The following PIAS4 variants were observed in gnomAD, a reference collection of about 807,000 sequenced individuals.
PIAS4 encodes the protein protein inhibitor of activated STAT 4.
In PIAS4, 7 loss-of-function variants were observed where a neutral mutation model predicts 58.0. That is an observed-to-expected ratio of 0.12 (90% confidence interval 0.07 to 0.23). The LOEUF (loss-of-function observed/expected upper bound fraction) is 0.23. Ranked by LOEUF, PIAS4 falls within the 10% of genes least tolerant of loss-of-function variation. PIAS4 has a pLI of 1.00. For synonymous variants in PIAS4, 364 were observed against 312.4 expected (o/e 1.17, Z -1.74); for missense variants, 550 against 709.5 (o/e 0.78, Z 2.55).
chr19:4,030,309 C>T (rs1009500494), intron 7 of PIAS4, among the ~76,000 whole-genome samples: 13 of 144,098 alleles, frequency 9.0e-5, no homozygotes, highest in Admixed American at 4.1e-4. Context: ...TTAAGTGACA[C>T]GCAGAGCAAT....
intron 7 of PIAS4, among the ~76,000 whole-genome samples, chr19:4,030,918 T>G (rs945657473): frequency 7.3e-5 from 11 of 151,542 alleles, no homozygotes; most frequent in Non-Finnish European, 2.9e-5. Context: ...GGAGTGGGAG[T>G]CAGGCAGGTG....
At chr19:4,023,812 G>A (rs1402360750) in intron 2 of PIAS4, among the ~76,000 whole-genome samples, 1 of 152,220 alleles carries the variant, frequency 6.6e-6, no homozygotes, top group African/African-American at 2.4e-5. Flanking sequence ...CTGAGTGGCC[G>A]TCAACAGGAC....
chr19:4,032,804 C>A (rs1054597675), intron 7 of PIAS4, among the ~76,000 whole-genome samples: 1 of 152,192 alleles, frequency 6.6e-6, no homozygotes, highest in Non-Finnish European at 1.5e-5. Context: ...ATGAAACTTG[C>A]CAGAAAAGTC....
chr19:4,033,411 C>T lies in PIAS4; in HGVS notation c.982-9C>T. ...GGGGTGCCCTGCTCACGCAGCCCCT[C>T]CCCCACAGCTGGTGAAGATGCGGCT... On this transcript the variant is annotated splice_polypyrimidine_tract_variant and intron_variant, in intron 8 of 10. Transcript: ENST00000262971. 5 of 1,548,258 alleles carry T rather than the reference C, an allele frequency of 3.2e-6. No homozygotes were observed. The highest frequency in any genetic ancestry group is 4.4e-6 in the Non-Finnish European group (5 of 1,147,088).
In PIAS4 at chr19:4,013,962, C is replaced by G. The variant is rs1222485609; in HGVS notation, c.454+613C>G. ...CTCTGTGGCGCATGCAGGGACCACA[C>G]CAGGCTGTGACTGCCAGGGCCAGGG... On this transcript the variant is annotated intron_variant, in intron 2 of 10. Transcript: ENST00000262971. This position sits in a 1 kb window ranked among gnomAD's most constrained non-coding sequence, Gnocchi z 5.1. 3.3e-5 allele frequency among the ~76,000 whole-genome samples: 5 copies of G among 152,088 alleles called. No homozygotes were observed. The South Asian group carries it at 1.0e-3, about 32-fold the overall frequency.
At chr19:4,019,117 A>G (rs1210236661) in intron 2 of PIAS4, among the ~76,000 whole-genome samples, 2 of 152,102 alleles carry the variant, frequency 1.3e-5, no homozygotes, top group African/African-American at 2.4e-5. Flanking sequence ...GAGGGAGTGG[A>G]TGTTTGCAGG....
rs1288998652 is a variant in PIAS4, at chr19:4,038,135, C to A, written c.*260C>A. ...AAACTCTTAAAAACAAGGCCGGCCA[C>A]CCACACAGCCGCCTCCCCGGCTGGA... On this transcript the variant is annotated 3_prime_UTR_variant, in exon 11 of 11. Transcript: ENST00000262971. The surrounding 1 kb of genome is among the most constrained non-coding windows in gnomAD (Gnocchi z 4.1). The A allele has an allele frequency of 2.2e-6, 1 of 446,204 alleles. No homozygotes were observed. Among genetic ancestry groups the A allele is most frequent in the African/African-American group, 2.1e-5 (1 of 47,692 alleles). The allele number at this position is 446,204 out of a possible 1,614,324, so 27.6% of individuals were successfully genotyped here.
At chr19:4,018,880 C>T (rs73532334) in intron 2 of PIAS4, 3,154 of 152,612 alleles carry the variant, frequency 0.021, 125 homozygotes, top group African/African-American at 0.073. Flanking sequence ...GAGGGAATGG[C>T]AGGTGCGGAG....
intron 9 of PIAS4, among the ~76,000 whole-genome samples, chr19:4,034,239 G>A (rs913503496): frequency 5.9e-5 from 9 of 152,240 alleles, no homozygotes; most frequent in South Asian, 4.1e-4. Context: ...ACAAGCTGGC[G>A]CCCTCACAGG....
intron 3 of PIAS4, 24 bp from the exon 4 acceptor site, chr19:4,028,122 C>T (rs2040185726): frequency 1.9e-6 from 3 of 1,613,276 alleles, no homozygotes; most frequent in African/African-American, 1.3e-5. Flanking sequence ...CTTTCCTTTC[C>T]TCTGGTTTGC....
intron 5 of PIAS4, 46 bp downstream of exon 5, chr19:4,028,646 G>A (rs369260179): frequency 4.0e-5 from 65 of 1,606,950 alleles, no homozygotes; most frequent in South Asian, 5.5e-5. Context: ...TTTGGGGGGC[G>A]TGGAGGGAGG....
At chr19:4,008,697 G>C (rs1384309136) in intron 1 of PIAS4, among the ~76,000 whole-genome samples, 3 of 152,158 alleles carry the variant, frequency 2.0e-5, no homozygotes, top group Non-Finnish European at 2.9e-5. Context: ...CACCTGTGCA[G>C]CATCAGATAC....
intron 2 of PIAS4, among the ~76,000 whole-genome samples, chr19:4,021,387 TC>T (rs2040107500): frequency 1.3e-5 from 2 of 152,072 alleles, no homozygotes. Flanking sequence ...CCTCAAGTGA[TC>T]CACCTGCCTC....
At chr19:4,023,235 T>C (rs549981115) in intron 2 of PIAS4, among the ~76,000 whole-genome samples, 1 of 150,512 alleles carries the variant, frequency 6.6e-6, no homozygotes, top group South Asian at 2.1e-4. Flanking sequence ...TCCCAGCATT[T>C]TGAGAGTTTG....
intron 1 of PIAS4, among the ~76,000 whole-genome samples, chr19:4,010,575 C>G (rs554099639): frequency 2.1e-3 from 319 of 152,362 alleles, no homozygotes; most frequent in Non-Finnish European, 3.7e-3. Context: ...GCAGACCATG[C>G]AGGTCCCCAT....
At position 4,033,294 on chromosome 19, in the gene PIAS4, G is replaced by A. The variant is rs1342131607; in HGVS notation, c.981+121G>A. The A allele has an allele frequency of 2.9e-5, 39 of 1,335,420 alleles. 1 individual carries two copies. The South Asian group carries it at 3.9e-4, about 13-fold the overall frequency. 82.7% of individuals were successfully genotyped at this position (1,335,420 alleles called of 1,614,324 possible). On this transcript the variant is annotated intron_variant, in intron 8 of 10. Coordinates refer to ENST00000262971, the MANE Select transcript of PIAS4 (RefSeq NM_015897.4). The stretch of plus-strand genomic sequence containing the variant: ...GCCTGCGGGGGCGAGGCTGGTCTTC[G>A]TCCCCTCCGTGTTCCTGAGGCATGA...
intron 3 of PIAS4, among the ~76,000 whole-genome samples, chr19:4,027,486 GCGT>G (rs2040177651): frequency 6.6e-6 from 1 of 152,070 alleles, no homozygotes; most frequent in Non-Finnish European, 1.5e-5. Flanking sequence ...ATCCACGGAT[GCGT>G]CTTTGGGTAG....
chr19:4,030,634 C>G (rs1016096614), intron 7 of PIAS4, among the ~76,000 whole-genome samples: 1 of 150,838 alleles, frequency 6.6e-6, no homozygotes, highest in Admixed American at 6.6e-5. Context: ...AAAAAAAAAG[C>G]CTGCCAAGCC....
chr19:4,030,803 C>G (rs188073289), intron 7 of PIAS4, among the ~76,000 whole-genome samples: 1 of 152,148 alleles, frequency 6.6e-6, no homozygotes, highest in African/African-American at 2.4e-5. Context: ...TTGAGGGCAC[C>G]TGGACATCTC....
Sources: gnomAD v4.1 joint callset for allele counts (sites outside exome capture counted in the v4.1 genomes callset) on GRCh38, gnomAD v4.1.1 for gene constraint, Gnocchi (gnomAD v3.1) non-coding constraint, MANE v1.5 for transcripts, NCBI Gene and HGNC (gene_info 2026-07-23, HGNC 2026-07-21) for gene names.